The following LGR6 variants were observed in gnomAD, a reference collection of about 807,000 sequenced individuals.
LGR6 encodes the protein leucine-rich repeat-containing G protein-coupled receptor 6.
LGR6 carries 45 observed loss-of-function variants against 69.4 expected under a neutral mutation model. The ratio of observed to expected loss-of-function variants is 0.65; its 90% CI spans 0.51 to 0.83. The LOEUF (loss-of-function observed/expected upper bound fraction) is 0.83, where lower values mean the gene tolerates loss of function less well. Among genes scored for constraint, LGR6 ranks in the 40% least tolerant of loss-of-function variants. The pLI is 0.00. For missense variants in LGR6, 1,108 were observed against 1,246.7 expected, an observed-to-expected ratio of 0.89 and a Z score of 1.68; for synonymous variants, 538 against 555.0, an observed-to-expected ratio of 0.97 and a Z score of 0.43.
intron 1 of LGR6, among the ~76,000 whole-genome samples, chr1:202,204,766 TCCTTCA>T (rs1659041451): frequency 1.1e-3 from 1 of 944 alleles, no homozygotes; most frequent in Non-Finnish European, 1.9e-3. Flanking sequence ...CACACACCCC[TCCTTCA>T]AACACACACA....
At chr1:202,300,981 G>A in intron 8 of LGR6, 61 bp downstream of exon 8, 2 of 1,489,556 alleles carry the variant, frequency 1.3e-6, no homozygotes, top group Non-Finnish European at 1.9e-6. Context: ...GAGGACAGAG[G>A]ATGGGAAGGC....
intron 3 of LGR6, among the ~76,000 whole-genome samples, chr1:202,235,034 C>G (rs1661416896): frequency 6.6e-6 from 1 of 152,168 alleles, no homozygotes; most frequent in African/African-American, 2.4e-5. Context: ...TACCCAGTTC[C>G]TTCTCTTGCT....
At chr1:202,214,580 G>A (rs1189874851) in intron 1 of LGR6, among the ~76,000 whole-genome samples, 1 of 152,198 alleles carries the variant, frequency 6.6e-6, no homozygotes, top group Non-Finnish European at 1.5e-5. Context: ...GGTTCGCGCT[G>A]CCAATTCTTA....
rs1210113799 is a variant in LGR6, at chr1:202,237,533, A to G, written c.428+1540A>G. ...AATTAAGTTTACTTTTTTAAAAAAAATCGTGAATCACATATTCTGAGTTCT... is the reference window on the plus strand; with the variant it reads ...AATTAAGTTTACTTTTTTAAAAAAAGTCGTGAATCACATATTCTGAGTTCT... On this transcript the variant is annotated intron_variant, in intron 4 of 17. Coordinates refer to ENST00000367278, the MANE Select transcript of LGR6 (RefSeq NM_001017403.2). 4.6e-5 allele frequency among the ~76,000 whole-genome samples: 7 copies of G among 152,222 alleles called. No homozygotes were observed. The East Asian group carries it at 1.3e-3, about 29-fold the overall frequency.
chr1:202,243,251 T>C (rs928197594), intron 4 of LGR6, among the ~76,000 whole-genome samples: 1 of 152,158 alleles, frequency 6.6e-6, no homozygotes, highest in African/African-American at 2.4e-5. Context: ...GGGGCGTGCC[T>C]GGGGCTCCTG....
chr1:202,277,611 A>G (rs2148168226), intron 5 of LGR6, among the ~76,000 whole-genome samples: 1 of 152,272 alleles, frequency 6.6e-6, no homozygotes, highest in African/African-American at 2.4e-5. Context: ...CCCCAGGTGG[A>G]TAAGAAGGAG....
chr1:202,280,916 T>G (rs1665953183), intron 6 of LGR6, 64 bp downstream of exon 6: 1 of 1,461,530 alleles, frequency 6.8e-7, no homozygotes, highest in African/African-American at 1.4e-5. Flanking sequence ...AGTCTTGGAG[T>G]GGAGGGAGCA....
At chr1:202,204,413 C>CA (rs1658970509) in intron 1 of LGR6, among the ~76,000 whole-genome samples, 1 of 116,250 alleles carries the variant, frequency 8.6e-6, no homozygotes, top group African/African-American at 3.3e-5. Context: ...CAAACACACA[C>CA]CACACACACA....
intron 1 of LGR6, among the ~76,000 whole-genome samples, chr1:202,195,063 C>T (rs989362669): frequency 6.6e-6 from 1 of 152,176 alleles, no homozygotes; most frequent in African/African-American, 2.4e-5. Flanking sequence ...AGAGCACATT[C>T]CAGGCCACCC....
In LGR6 at chr1:202,299,666, G is replaced by A. The variant is rs1271315605; in HGVS notation, c.786-1183G>A. On this transcript the variant is annotated intron_variant, in intron 7 of 17. Transcript: ENST00000367278. ...GAGCAGATGAGAGGAATAAATTAATGAACAAACAGGCCTGGGTGGGTGGCA... is the reference window on the plus strand; with the variant it reads ...GAGCAGATGAGAGGAATAAATTAATAAACAAACAGGCCTGGGTGGGTGGCA... 2.0e-5 allele frequency among the ~76,000 whole-genome samples: 3 copies of A among 152,140 alleles called. No individual in the cohort carries two copies. In the South Asian group the frequency reaches 6.2e-4, roughly 32 times the overall value.
chr1:202,235,291 G>C (rs75006042), intron 3 of LGR6, among the ~76,000 whole-genome samples: 1 of 152,164 alleles, frequency 6.6e-6, no homozygotes, highest in Non-Finnish European at 1.5e-5. Context: ...CTTAGGTCCT[G>C]GTCCCCAGAG....
In LGR6 at chr1:202,318,091, G is replaced by A. The variant is rs368631778; in HGVS notation, c.1788G>A (p.Pro596=). 4.3e-5 allele frequency: 69 copies of A among 1,614,016 alleles called. 1 individual carries two copies. The highest frequency in any genetic ancestry group is 1.1e-4 in the South Asian group (10 of 91,074). The change falls in exon 18 of 18, where the codon CCG becomes CCA. Residue 596 remains proline, a synonymous_variant. Transcript: ENST00000367278. ...CTGGCGGGCCTGTCCCCCTGCCCCCGGTCAAGTTTGTGGTAGGTGCGATTG... is the reference window on the plus strand; with the variant it reads ...CTGGCGGGCCTGTCCCCCTGCCCCCAGTCAAGTTTGTGGTAGGTGCGATTG... ...VFAGGPVPLP[P]VKFVVGAIAG...
intron 4 of LGR6, among the ~76,000 whole-genome samples, chr1:202,240,375 G>GAA (rs1238580002): frequency 8.0e-4 from 84 of 105,170 alleles, no homozygotes; most frequent in African/African-American, 2.2e-3. Context: ...CTCCATCTCA[G>GAA]AAAAAAAAAA....
In LGR6 at chr1:202,310,476, A is replaced by G. The variant is rs541937894; in HGVS notation, c.1567+119A>G. 7.4e-4 allele frequency: 709 copies of G among 953,798 alleles called. 1 individual carries two copies. Among genetic ancestry groups the G allele is most frequent in the Admixed American group, 1.7e-3 (63 of 37,284 alleles). 59.1% of individuals were successfully genotyped at this position (953,798 alleles called of 1,614,324 possible). A position where few individuals can be genotyped will look rare whatever the true frequency, so the allele number is the denominator to read the frequency against. On this transcript the variant is annotated intron_variant, in intron 16 of 17. Coordinates refer to ENST00000367278, the MANE Select transcript of LGR6 (RefSeq NM_001017403.2). ...GCAGCTGCAGAGGGAAGCCCTACAG[A>G]GGTGGGAGGAGCTGCCTGTGACCTG...
At chr1:202,244,490 G>C (rs559427002) in intron 4 of LGR6, among the ~76,000 whole-genome samples, 1 of 152,296 alleles carries the variant, frequency 6.6e-6, no homozygotes, top group African/African-American at 2.4e-5. Flanking sequence ...GCTGGGGTGG[G>C]TGCTTCTTTG....
intron 4 of LGR6, among the ~76,000 whole-genome samples, chr1:202,236,553 G>C (rs918085446): frequency 2.0e-5 from 3 of 152,226 alleles, no homozygotes; most frequent in African/African-American, 7.2e-5. Context: ...GTGGAAGCCA[G>C]ACCCAGCCTG....
intron 7 of LGR6, among the ~76,000 whole-genome samples, chr1:202,300,557 A>C (rs1036608671): frequency 4.6e-5 from 7 of 151,772 alleles, no homozygotes; most frequent in African/African-American, 1.7e-4. Flanking sequence ...TAGGAGGCTG[A>C]GGCAGGAGAA....
At chr1:202,291,175 C>T (rs1666764977) in intron 6 of LGR6, among the ~76,000 whole-genome samples, 1 of 152,198 alleles carries the variant, frequency 6.6e-6, no homozygotes, top group Non-Finnish European at 1.5e-5. Flanking sequence ...CTGCAGCTTC[C>T]AGACTGAGCT....
At chr1:202,214,422 C>T (rs558815389) in intron 1 of LGR6, among the ~76,000 whole-genome samples, 46 of 147,340 alleles carry the variant, frequency 3.1e-4, no homozygotes, top group Non-Finnish European at 6.0e-4. Context: ...ATGGAGCGGG[C>T]GGCGCGGGCA....
Sources: gnomAD v4.1 joint callset for allele counts (sites outside exome capture counted in the v4.1 genomes callset) on GRCh38, gnomAD v4.1.1 for gene constraint, MANE v1.5 for transcripts, NCBI Gene and HGNC (gene_info 2026-07-23, HGNC 2026-07-21) for gene names.